Variants in PTPRJ observed in about 807,000 individuals in gnomAD.
PTPRJ encodes the protein receptor-type tyrosine-protein phosphatase eta.
A neutral mutation model predicts 141.3 loss-of-function variants in PTPRJ; 129 were observed. That is an observed-to-expected ratio of 0.91 (90% confidence interval 0.79 to 1.06). The LOEUF (loss-of-function observed/expected upper bound fraction) is 1.06, where lower values mean the gene tolerates loss of function less well. Ranked by LOEUF, PTPRJ falls within the 50% of genes least tolerant of loss-of-function variation. PTPRJ has a pLI of 0.00. For synonymous variants in PTPRJ, 610 were observed against 640.5 expected (o/e 0.95, Z 0.72); for missense variants, 1,601 against 1,679.7 (o/e 0.95, Z 0.82).
intron 1 of PTPRJ, among the ~76,000 whole-genome samples, chr11:48,088,896 C>T (rs190569068): frequency 8.6e-4 from 131 of 152,226 alleles, no homozygotes; most frequent in African/African-American, 3.1e-3. Context: ...ATTAAGGAAA[C>T]GCATGTTGTA....
At chr11:48,021,376 A>AAAAT (rs71457241) in intron 1 of PTPRJ, among the ~76,000 whole-genome samples, 9,897 of 136,412 alleles carry the variant, frequency 0.073, 442 homozygotes, top group South Asian at 0.17. Flanking sequence ...CTCCGTCCCT[A>AAAAT]AAATAAATAA....
At chr11:48,128,725 G>A (rs773503615) in intron 7 of PTPRJ, among the ~76,000 whole-genome samples, 4 of 152,092 alleles carry the variant, frequency 2.6e-5, no homozygotes, top group African/African-American at 4.8e-5. Context: ...TTACAGATGA[G>A]GAAATGACAC....
At chr11:48,093,183 A>G (rs1421020628) in intron 1 of PTPRJ, among the ~76,000 whole-genome samples, 3 of 152,110 alleles carry the variant, frequency 2.0e-5, no homozygotes, top group Non-Finnish European at 4.4e-5. Flanking sequence ...TTGCTCTGTA[A>G]CTTTTCATTC....
intron 1 of PTPRJ, among the ~76,000 whole-genome samples, chr11:48,048,408 A>G (rs909583466): frequency 6.6e-6 from 1 of 152,244 alleles, no homozygotes; most frequent in South Asian, 2.1e-4. Flanking sequence ...GCTTACGGCC[A>G]TGATGACTGC....
chr11:48,113,631 C>T (rs942923202), intron 3 of PTPRJ, among the ~76,000 whole-genome samples: 1 of 152,142 alleles, frequency 6.6e-6, no homozygotes, highest in Admixed American at 6.5e-5. Flanking sequence ...TCAGAGATCT[C>T]TAGGGGTCTC....
chr11:48,042,107 A>G (rs1326157817), intron 1 of PTPRJ, among the ~76,000 whole-genome samples: 4 of 152,154 alleles, frequency 2.6e-5, no homozygotes, highest in Non-Finnish European at 5.9e-5. Flanking sequence ...ATCTCTTTGA[A>G]TAGTTCAGAA....
intron 1 of PTPRJ, among the ~76,000 whole-genome samples, chr11:48,092,881 G>A (rs947541068): frequency 3.3e-5 from 5 of 152,210 alleles, no homozygotes; most frequent in South Asian, 4.1e-4. Context: ...GAATAGTGCC[G>A]CAATGAACAT....
chr11:48,129,259 C>T (rs1205679738), intron 7 of PTPRJ, among the ~76,000 whole-genome samples: 1 of 152,192 alleles, frequency 6.6e-6, no homozygotes, highest in Non-Finnish European at 1.5e-5. Context: ...GTGGCTTGAA[C>T]AGAAATAGAC....
At chr11:48,038,752 A>G (rs915779659) in intron 1 of PTPRJ, among the ~76,000 whole-genome samples, 1 of 151,320 alleles carries the variant, frequency 6.6e-6, no homozygotes, top group Non-Finnish European at 1.5e-5. Context: ...GGCCTCCCAA[A>G]GTGCTGGGAT....
At chr11:48,132,185 TA>T in intron 8 of PTPRJ, 3 of 985,434 alleles carry the variant, frequency 3.0e-6, no homozygotes, top group Non-Finnish European at 3.6e-6. Context: ...CAGTCTTTCC[TA>T]AACAACACTG....
intron 1 of PTPRJ, among the ~76,000 whole-genome samples, chr11:48,065,477 C>T (rs967476807): frequency 3.3e-5 from 5 of 152,178 alleles, no homozygotes; most frequent in South Asian, 2.1e-4. Flanking sequence ...CACAGATTCA[C>T]GTTTACATGT....
chr11:47,985,260 G>T (rs966339369), intron 1 of PTPRJ, among the ~76,000 whole-genome samples: 2 of 151,930 alleles, frequency 1.3e-5, no homozygotes, highest in South Asian at 4.2e-4. Flanking sequence ...GGCTCCTCTC[G>T]TTTTAGCCTC....
intron 1 of PTPRJ, among the ~76,000 whole-genome samples, chr11:48,013,541 G>A (rs938498672): frequency 2.0e-5 from 3 of 152,174 alleles, no homozygotes; most frequent in African/African-American, 7.2e-5. Context: ...GTATGCTCAG[G>A]AGAATCTTGC....
chr11:48,096,538 A>G (rs1001538879), intron 1 of PTPRJ, among the ~76,000 whole-genome samples: 3 of 74,992 alleles, frequency 4.0e-5, no homozygotes, highest in African/African-American at 1.5e-4. Context: ...GCCCGCCCCC[A>G]CCCCCACAAC....
chr11:48,131,404 T>C (rs1241559003), intron 8 of PTPRJ: 1 of 693,888 alleles, frequency 1.4e-6, no homozygotes, highest in African/African-American at 1.8e-5. Flanking sequence ...ATTTATTTCT[T>C]TCACAAACAT....
chr11:48,161,424 A>G (rs1857775115), intron 22 of PTPRJ, among the ~76,000 whole-genome samples: 1 of 152,050 alleles, frequency 6.6e-6, no homozygotes, highest in Non-Finnish European at 1.5e-5. Context: ...AAGATTCCAC[A>G]AGTCATGGAT....
At chr11:48,052,262 C>T (rs1298690709) in intron 1 of PTPRJ, among the ~76,000 whole-genome samples, 1 of 152,224 alleles carries the variant, frequency 6.6e-6, no homozygotes, top group Non-Finnish European at 1.5e-5. Flanking sequence ...CATGATTCAA[C>T]TGTGAGTTTG....
chr11:48,061,488 C>G (rs1336370560), intron 1 of PTPRJ, among the ~76,000 whole-genome samples: 1 of 152,206 alleles, frequency 6.6e-6, no homozygotes, highest in Non-Finnish European at 1.5e-5. Flanking sequence ...GATAGTAACA[C>G]AGGCAGTGCT....
rs138412658 is a variant in PTPRJ, at chr11:48,163,526, C to T, written c.3627C>T (p.Pro1209=). Residue 1209 remains proline, a synonymous_variant, in exon 23 of 25, where the codon CCC becomes CCT. Transcript: ENST00000418331. ...CCTCCTGGCCAGACCACGGTGTTCC[C>T]GACACCACTGACCTGCTCATCAACT... is the stretch of plus-strand genomic sequence containing the variant. ...HFTSWPDHGV[P]DTTDLLINFR... is the part of the protein sequence containing the mutation. 42 of 1,613,676 alleles carry T rather than the reference C, an allele frequency of 2.6e-5. No homozygotes were observed. Among genetic ancestry groups the T allele is most frequent in the African/African-American group, 4.0e-5 (3 of 74,908 alleles).
Sources: gnomAD v4.1 joint callset for allele counts (sites outside exome capture counted in the v4.1 genomes callset) on GRCh38, gnomAD v4.1.1 for gene constraint, MANE v1.5 for transcripts, NCBI Gene and HGNC (gene_info 2026-07-23, HGNC 2026-07-21) for gene names.